Variants in REPS2 observed in about 807,000 individuals in gnomAD.
The protein encoded by REPS2 is ralBP1-associated Eps domain-containing protein 2.
In REPS2, 23 loss-of-function variants were observed where a neutral mutation model predicts 53.6. The observed-to-expected ratio is 0.43, with a 90% CI of 0.31 to 0.61. The LOEUF is 0.61. REPS2 is among the 20% of genes least tolerant of loss of function. The pLI, the probability that REPS2 is intolerant of heterozygous loss-of-function variation, is 0.11. For synonymous variants in REPS2, 238 were observed against 218.6 expected (o/e 1.09, Z -0.78); for missense variants, 446 against 534.9 (o/e 0.83, Z 1.64).
At chrX:17,077,717 T>A (rs1043018157) in intron 13 of REPS2, among the ~76,000 whole-genome samples, 1 of 112,527 alleles carries the variant, frequency 8.9e-6, no homozygotes, top group Non-Finnish European at 1.9e-5. Flanking sequence ...ACTCTCTGCA[T>A]CATTGGTAAT....
chrX:16,990,299 A>G (rs1309303551), intron 1 of REPS2, among the ~76,000 whole-genome samples: 1 of 111,569 alleles, frequency 9.0e-6, no homozygotes, highest in Non-Finnish European at 1.9e-5. Flanking sequence ...GGTTGGGAGT[A>G]AAATGGATAG....
chrX:16,962,568 G>T (rs749736192), intron 1 of REPS2, among the ~76,000 whole-genome samples: 1 of 111,470 alleles, frequency 9.0e-6, no homozygotes, highest in East Asian at 2.8e-4. Flanking sequence ...CAGTGATGTA[G>T]GCTCAATAAG....
intron 12 of REPS2, among the ~76,000 whole-genome samples, chrX:17,076,897 T>A (rs2062388798): frequency 8.9e-6 from 1 of 111,974 alleles, no homozygotes; most frequent in African/African-American, 3.3e-5. Flanking sequence ...AGTTCTCTGA[T>A]CAGTTTATAC....
At chrX:16,953,091 C>G (rs1725899711) in intron 1 of REPS2, among the ~76,000 whole-genome samples, 3 of 101,599 alleles carry the variant, frequency 3.0e-5, no homozygotes, top group Admixed American at 2.2e-4. Flanking sequence ...ACAAACAAAC[C>G]AAAAAACAAA....
rs1470397390 is a variant in REPS2 at position 17,062,518 on chromosome X, T to C, written c.1195T>C (p.Leu399=). The C allele has an allele frequency of 8.4e-7, 1 of 1,194,846 alleles. No homozygotes were observed. The highest frequency in any genetic ancestry group is 1.8e-5 in the South Asian group (1 of 54,956). ...SLPANQQPRD[L]NRMEKTSVKD... is the part of the protein sequence containing the mutation. The stretch of plus-strand genomic sequence containing the variant: ...GCCGGCAAATCAACAACCTCGTGAC[T>C]TGAATCGGATGGAGGTAAAAGATCT... Residue 399 remains leucine, a synonymous_variant, in exon 9 of 18, where the codon TTG becomes CTG. Transcript: ENST00000357277.
chrX:17,043,693 G>C (rs781044886), intron 5 of REPS2, among the ~76,000 whole-genome samples: 91 of 112,393 alleles, frequency 8.1e-4, no homozygotes, highest in Non-Finnish European at 1.5e-3. Context: ...TCCCAAGAAT[G>C]AGCATCTGAC....
intron 2 of REPS2, among the ~76,000 whole-genome samples, chrX:17,013,414 T>G (rs1195875879): frequency 8.9e-6 from 1 of 112,070 alleles, no homozygotes; most frequent in Non-Finnish European, 1.9e-5. Context: ...AAGAATTATT[T>G]TATTCAAGGA....
chrX:17,063,923 T>TAC (rs3842475), intron 9 of REPS2, among the ~76,000 whole-genome samples: 2,465 of 100,057 alleles, frequency 0.025, 67 homozygotes, highest in African/African-American at 0.076. Flanking sequence ...GTTTTACTGT[T>TAC]ACACACACAC....
At chrX:17,083,106 G>A (rs1429026912) in intron 13 of REPS2, among the ~76,000 whole-genome samples, 1 of 75,939 alleles carries the variant, frequency 1.3e-5, no homozygotes, top group African/African-American at 5.3e-5. Context: ...TTTTTGAGAT[G>A]AAGTCTCGTT....
intron 2 of REPS2, among the ~76,000 whole-genome samples, chrX:17,015,596 G>A (rs989987812): frequency 1.7e-3 from 176 of 104,098 alleles, no homozygotes; most frequent in African/African-American, 5.1e-3. Context: ...GGTGTGTGAT[G>A]TTCCCCTTCC....
the REPS2 span, among the ~76,000 whole-genome samples, chrX:17,182,006 T>A: frequency 3.6e-5 from 4 of 111,915 alleles, no homozygotes; most frequent in Non-Finnish European, 5.6e-5. Flanking sequence ...CTATGTTGTT[T>A]CCCCCTGAAT....
At chrX:17,043,554 C>A (rs1275876675) in intron 5 of REPS2, among the ~76,000 whole-genome samples, 1 of 108,213 alleles carries the variant, frequency 9.2e-6, no homozygotes, top group Non-Finnish European at 1.9e-5. Flanking sequence ...CCAGCTTGTG[C>A]TGATGCTTGG....
In REPS2 at chrX:17,152,476, G is replaced by A. The variant is rs1478965939; in HGVS notation, c.*4995G>A. On this transcript the variant is annotated 3_prime_UTR_variant, in exon 18 of 18. Coordinates refer to ENST00000357277, the MANE Select transcript of REPS2 (RefSeq NM_004726.3). ...CTGTAAGCTAATGTCATGGCTGTGG[G>A]ATATTAGAGAAGTGGGTTTATGACT... 4.5e-5 allele frequency: 5 copies of A among 112,061 alleles called. No homozygotes were observed. The highest frequency in any genetic ancestry group is 3.8e-5 in the Non-Finnish European group (2 of 53,225). The allele number at this position is 112,061 out of a possible 1,213,427, so 9.2% of individuals were successfully genotyped here. A position where few individuals can be genotyped will look rare whatever the true frequency, so the allele number is the denominator to read the frequency against.
Position 17,006,244 on chromosome X carries a change from G to C in REPS2, c.297G>C (p.Lys99Asn). ...AGATCACAGAACTGTGTGGTGCAAA[G>C]CGGGTTGGTTATTTTGGTCCAACAC... ...LHQITELCGA[K>N]RVGYFGPTQF... The change falls in exon 2 of 18, where the codon AAG (lysine) becomes AAC (asparagine). Residue 99 changes from lysine (K) to asparagine (N), a missense_variant. Coordinates refer to ENST00000357277, the MANE Select transcript of REPS2 (RefSeq NM_004726.3). The C allele has an allele frequency of 8.3e-7, 1 of 1,210,950 alleles. No individual in the cohort carries two copies. Among genetic ancestry groups the C allele is most frequent in the Non-Finnish European group, 1.1e-6 (1 of 894,724 alleles).
At chrX:17,146,138 C>T (rs2063511794) in intron 17 of REPS2, among the ~76,000 whole-genome samples, 1 of 107,415 alleles carries the variant, frequency 9.3e-6, no homozygotes. Context: ...AAGAAAGAAA[C>T]CCTCAATGCC....
At chrX:16,986,861 G>A (rs1403742763) in intron 1 of REPS2, among the ~76,000 whole-genome samples, 2 of 109,388 alleles carry the variant, frequency 1.8e-5, no homozygotes, top group Admixed American at 2.0e-4. Flanking sequence ...CCCCCTAGCA[G>A]TGAAAAGTAA....
intron 1 of REPS2, among the ~76,000 whole-genome samples, chrX:16,991,354 G>A (rs1417371304): frequency 9.0e-6 from 1 of 111,591 alleles, no homozygotes; most frequent in South Asian, 3.7e-4. Flanking sequence ...CCAGAGTAAA[G>A]GTTGTACTGC....
chrX:17,135,002 G>A (rs2063346429), intron 15 of REPS2, among the ~76,000 whole-genome samples: 1 of 110,601 alleles, frequency 9.0e-6, no homozygotes, highest in African/African-American at 3.3e-5. Flanking sequence ...GGTGTGAGAT[G>A]CACACAGGGT....
chrX:17,023,442 A>G (rs751979179), intron 3 of REPS2, among the ~76,000 whole-genome samples: 130 of 101,326 alleles, frequency 1.3e-3, no homozygotes, highest in Non-Finnish European at 2.2e-3. Context: ...AAAAAAAAAA[A>G]GGAACACTCG....
Sources: gnomAD v4.1 joint callset for allele counts (sites outside exome capture counted in the v4.1 genomes callset) on GRCh38, gnomAD v4.1.1 for gene constraint, MANE v1.5 for transcripts, NCBI Gene and HGNC (gene_info 2026-07-23, HGNC 2026-07-21) for gene names.